DPYSL2: variants seen among roughly 807,000 people sequenced by gnomAD.
DPYSL2 encodes dihydropyrimidinase like 2, also known as dihydropyrimidinase-related protein 2.
A neutral mutation model predicts 69.9 loss-of-function variants in DPYSL2; 13 were observed. The ratio of observed to expected loss-of-function variants is 0.19; its 90% CI spans 0.12 to 0.30. The LOEUF is 0.30. Among genes scored for constraint, DPYSL2 ranks in the 10% least tolerant of loss-of-function variants. The probability of loss-of-function intolerance (pLI) is 1.00; values close to 1 mark genes in which losing one functional copy is unlikely to be tolerated. For missense variants in DPYSL2, 587 were observed against 918.9 expected (o/e 0.64, Z 4.67); for synonymous variants, 326 against 359.1 (o/e 0.91, Z 1.04).
At chr8:26,628,444 C>G (rs1445943492) in intron 7 of DPYSL2, among the ~76,000 whole-genome samples, 1 of 152,300 alleles carries the variant, frequency 6.6e-6, no homozygotes, top group East Asian at 1.9e-4. Flanking sequence ...AGATTCAGAG[C>G]AGGGGCCTGT....
rs1801049435 is a variant in DPYSL2 at position 26,560,184 on chromosome 8, A to T, written c.355-21785A>T. Among the ~76,000 whole-genome samples, 1 of 152,322 alleles carries T rather than the reference A, an allele frequency of 6.6e-6. No homozygotes were observed. Among genetic ancestry groups the T allele is most frequent in the Admixed American group, 6.5e-5 (1 of 15,298 alleles). On this transcript the variant is annotated intron_variant, in intron 1 of 13. Transcript: ENST00000521913. This position sits in a 1 kb window ranked among gnomAD's most constrained non-coding sequence, Gnocchi z 4.4. Reference sequence around the variant, plus strand: ...CGCGACCATTCCCGACGGCCTTGGCAGCTCACTCTGCCTGAACCTGGGTGG... The same window carrying T: ...CGCGACCATTCCCGACGGCCTTGGCTGCTCACTCTGCCTGAACCTGGGTGG...
chr8:26,636,734 T>C (rs935518325), intron 8 of DPYSL2, among the ~76,000 whole-genome samples: 4 of 151,964 alleles, frequency 2.6e-5, no homozygotes, highest in East Asian at 3.9e-4. Context: ...TTGTTGTTTT[T>C]TTTAATTTAT....
intron 1 of DPYSL2, among the ~76,000 whole-genome samples, chr8:26,542,151 G>A (rs1377741659): frequency 2.0e-5 from 3 of 152,052 alleles, no homozygotes; most frequent in Non-Finnish European, 2.9e-5. Flanking sequence ...AGCCAGGTGT[G>A]GTTGTGCATG....
rs1156872396 is a variant in DPYSL2 at position 26,641,110 on chromosome 8, C to A, written c.1127-2329C>A. On this transcript the variant is annotated intron_variant, in intron 8 of 13. Coordinates refer to ENST00000521913, the MANE Select transcript of DPYSL2 (RefSeq NM_001197293.3). The surrounding 1 kb of genome is among the most constrained non-coding windows in gnomAD (Gnocchi z 4.1). ...TTCAGGCCACTTTCCAAGAACCAGCCCCTCCTTGTACTTAAGTTTCTAGAG... is the reference window on the plus strand; with the variant it reads ...TTCAGGCCACTTTCCAAGAACCAGCACCTCCTTGTACTTAAGTTTCTAGAG... Among the ~76,000 whole-genome samples, 3 of 152,132 alleles carry A rather than the reference C, an allele frequency of 2.0e-5. No individual in the cohort carries two copies. Among genetic ancestry groups the A allele is most frequent in the Non-Finnish European group, 4.4e-5 (3 of 68,026 alleles).
At position 26,641,028 on chromosome 8, in the gene DPYSL2, A is replaced by G. The variant is rs1234878540; in HGVS notation, c.1127-2411A>G. On this transcript the variant is annotated intron_variant, in intron 8 of 13. Coordinates refer to ENST00000521913, the MANE Select transcript of DPYSL2 (RefSeq NM_001197293.3). The surrounding 1 kb of genome is among the most constrained non-coding windows in gnomAD (Gnocchi z 4.1). ...TAGAGCAGCTCCCCACCCCAAGCTGAGTTGTGTTTCGCAGGGAGAGATAAG... is the reference window on the plus strand; with the variant it reads ...TAGAGCAGCTCCCCACCCCAAGCTGGGTTGTGTTTCGCAGGGAGAGATAAG... Among the ~76,000 whole-genome samples, 3 of 152,150 alleles carry G rather than the reference A, an allele frequency of 2.0e-5. No individual in the cohort carries two copies. The highest frequency in any genetic ancestry group is 6.5e-5 in the Admixed American group (1 of 15,272).
chr8:26,529,170 C>T (rs143117703), intron 1 of DPYSL2, among the ~76,000 whole-genome samples: 215 of 152,266 alleles, frequency 1.4e-3, no homozygotes, highest in East Asian at 3.7e-3. Flanking sequence ...TATGGCACTA[C>T]TAGCTGGCAA....
chr8:26,520,644 G>A (rs1424049778), intron 1 of DPYSL2, among the ~76,000 whole-genome samples: 1 of 152,088 alleles, frequency 6.6e-6, no homozygotes, highest in Admixed American at 6.5e-5. Flanking sequence ...TGAATGACAT[G>A]CTTTTCTAAG....
chr8:26,578,369 AAGG>A (rs1801407918), intron 1 of DPYSL2: 1 of 1,597,226 alleles, frequency 6.3e-7, no homozygotes, highest in Non-Finnish European at 8.5e-7. Context: ...AATTTTTAAA[AAGG>A]AGGGGAAAGG....
At chr8:26,548,975 G>A (rs1401717869) in intron 1 of DPYSL2, among the ~76,000 whole-genome samples, 1 of 152,080 alleles carries the variant, frequency 6.6e-6, no homozygotes, top group Admixed American at 6.5e-5. Flanking sequence ...GATCATTTGA[G>A]ATCAGGAGTT....
At chr8:26,631,763 G>A (rs1397493935) in intron 7 of DPYSL2, among the ~76,000 whole-genome samples, 1 of 152,092 alleles carries the variant, frequency 6.6e-6, no homozygotes, top group Admixed American at 6.5e-5. Context: ...CCAGTGAGGC[G>A]AGGAGGGGGG....
intron 1 of DPYSL2, among the ~76,000 whole-genome samples, chr8:26,529,810 C>T (rs1396664739): frequency 4.8e-5 from 7 of 144,612 alleles, no homozygotes; most frequent in Non-Finnish European, 9.0e-5. Context: ...GTGAAGATGG[C>T]TGGAAAAGAA....
At chr8:26,548,884 A>G (rs780038720) in intron 1 of DPYSL2, among the ~76,000 whole-genome samples, 7 of 151,812 alleles carry the variant, frequency 4.6e-5, no homozygotes, top group Non-Finnish European at 7.4e-5. Context: ...TCTCAAAAAC[A>G]AAACCAAACC....
chr8:26,531,348 C>G (rs557597268), intron 1 of DPYSL2, among the ~76,000 whole-genome samples: 1 of 152,216 alleles, frequency 6.6e-6, no homozygotes, highest in African/African-American at 2.4e-5. Flanking sequence ...AGTAACACTC[C>G]TGGGTATGCA....
chr8:26,534,706 C>A (rs1800564337), intron 1 of DPYSL2, among the ~76,000 whole-genome samples: 1 of 152,052 alleles, frequency 6.6e-6, no homozygotes, highest in Admixed American at 6.6e-5. Context: ...AATCATAGCT[C>A]ACTGCAGCCT....
rs1279009837 is a variant in DPYSL2 at position 26,588,866 on chromosome 8, T to G, written c.628+4883T>G. ...CTGCAGAGTCATCCTAGCATCTTCA[T>G]GTCCTCGTGCTGCCTTGAGTTGCTT... On this transcript the variant is annotated intron_variant, in intron 3 of 13. Coordinates refer to ENST00000521913, the MANE Select transcript of DPYSL2 (RefSeq NM_001197293.3). The surrounding 1 kb of genome is among the most constrained non-coding windows in gnomAD (Gnocchi z 5.4). 6.6e-6 allele frequency among the ~76,000 whole-genome samples: 1 copy of G among 152,226 alleles called. No homozygotes were observed. Among genetic ancestry groups the G allele is most frequent in the Non-Finnish European group, 1.5e-5 (1 of 68,022 alleles).
rs1420119562 is a variant in DPYSL2 at position 26,588,400 on chromosome 8, G to A, written c.628+4417G>A. Reference sequence around the variant, plus strand: ...TGGTGGGGTCTGTGACTCTGTATTCGAATCTGGTGCTTGGGGAGCTTTTTG... The same window carrying A: ...TGGTGGGGTCTGTGACTCTGTATTCAAATCTGGTGCTTGGGGAGCTTTTTG... On this transcript the variant is annotated intron_variant, in intron 3 of 13. Transcript: ENST00000521913. This position sits in a 1 kb window ranked among gnomAD's most constrained non-coding sequence, Gnocchi z 5.4. Among the ~76,000 whole-genome samples the A allele has an allele frequency of 2.0e-5, 3 of 152,168 alleles. No homozygotes were observed. Among genetic ancestry groups the A allele is most frequent in the Non-Finnish European group, 4.4e-5 (3 of 68,032 alleles).
chr8:26,592,402 C>T (rs1282664416), intron 3 of DPYSL2, among the ~76,000 whole-genome samples: 1 of 151,932 alleles, frequency 6.6e-6, no homozygotes, highest in Non-Finnish European at 1.5e-5. Context: ...ATCCTCCTGC[C>T]TTGGCCTCCC....
At chr8:26,578,147 TC>T in intron 1 of DPYSL2, 2 of 1,590,906 alleles carry the variant, frequency 1.3e-6, no homozygotes, top group Non-Finnish European at 1.7e-6. Context: ...CCCTTTTCAA[TC>T]TTGCAAAGGA....
rs1802487725 is a variant in DPYSL2 at position 26,621,809 on chromosome 8, A to G, written c.629-2334A>G. 6.6e-6 allele frequency among the ~76,000 whole-genome samples: 1 copy of G among 152,186 alleles called. No homozygotes were observed. Among genetic ancestry groups the G allele is most frequent in the Non-Finnish European group, 1.5e-5 (1 of 68,034 alleles). On this transcript the variant is annotated intron_variant, in intron 3 of 13. Coordinates refer to ENST00000521913, the MANE Select transcript of DPYSL2 (RefSeq NM_001197293.3). The surrounding 1 kb of genome is among the most constrained non-coding windows in gnomAD (Gnocchi z 4.9). ...GGTGGCCATTGTGGGTGAGCAGGTC[A>G]GGGATAAAGAGTACCTTGGAGAGAT... is the stretch of plus-strand genomic sequence containing the variant.
Sources: gnomAD v4.1 joint callset for allele counts (sites outside exome capture counted in the v4.1 genomes callset) on GRCh38, gnomAD v4.1.1 for gene constraint, Gnocchi (gnomAD v3.1) non-coding constraint, MANE v1.5 for transcripts, NCBI Gene and HGNC (gene_info 2026-07-23, HGNC 2026-07-21) for gene names.